PRKG2: variants seen among roughly 807,000 people sequenced by gnomAD.
The protein encoded by PRKG2 is protein kinase cGMP-dependent 2, also known as cGMP-dependent protein kinase 2.
In PRKG2, 33 loss-of-function variants were observed where a neutral mutation model predicts 97.2. That is an observed-to-expected ratio of 0.34 (90% CI 0.26 to 0.45). The LOEUF (loss-of-function observed/expected upper bound fraction) is 0.45, where lower values mean the gene tolerates loss of function less well. PRKG2 is among the 20% of genes least tolerant of loss of function. The pLI is 1.00. For synonymous variants in PRKG2, 330 were observed against 321.8 expected, an observed-to-expected ratio of 1.03 and a Z score of -0.27; for missense variants, 638 against 900.0, an observed-to-expected ratio of 0.71 and a Z score of 3.73.
chr4:81,151,273 T>C (rs1395813557), intron 8 of PRKG2, among the ~76,000 whole-genome samples: 1 of 152,110 alleles, frequency 6.6e-6, no homozygotes, highest in African/African-American at 2.4e-5. Context: ...TCCAATAAAG[T>C]GTGTTGCTCT....
At chr4:81,178,480 C>A (rs569234367) in intron 2 of PRKG2, among the ~76,000 whole-genome samples, 2 of 152,006 alleles carry the variant, frequency 1.3e-5, no homozygotes, top group East Asian at 3.9e-4. Flanking sequence ...AAGCAATATG[C>A]TTTCAGGACA....
chr4:81,110,136 T>C (rs1743751081), intron 15 of PRKG2, among the ~76,000 whole-genome samples: 1 of 152,176 alleles, frequency 6.6e-6, no homozygotes, highest in African/African-American at 2.4e-5. Context: ...GAACTTTCAT[T>C]CCTTCTCTTA....
In PRKG2 at chr4:81,214,978, G is replaced by C. The variant is rs192836977; in HGVS notation, c.-56C>G. 3 of 152,562 alleles carry C rather than the reference G, an allele frequency of 2.0e-5. No homozygotes were observed. Among genetic ancestry groups the C allele is most frequent in the African/African-American group, 2.4e-5 (1 of 41,596 alleles). 9.5% of individuals were successfully genotyped at this position (152,562 alleles called of 1,614,324 possible). A position where few individuals can be genotyped will look rare whatever the true frequency, so the allele number is the denominator to read the frequency against. On this transcript the variant is annotated 5_prime_UTR_variant, in exon 1 of 19. Coordinates refer to ENST00000264399, the MANE Select transcript of PRKG2 (RefSeq NM_006259.3). ...TTCCAGGTGCGCAGCTTGTCACCTC[G>C]GCGCGGCCGCCCCTGCGTCTCAGCG...
At position 81,138,983 on chromosome 4, in the gene PRKG2, A is replaced by G. The variant is rs139933095; in HGVS notation, c.1545-1501T>C. Among the ~76,000 whole-genome samples, 658 of 152,318 alleles carry G rather than the reference A, an allele frequency of 4.3e-3. 2 individuals carry two copies. Among genetic ancestry groups the G allele is most frequent in the Admixed American group, 7.9e-3 (121 of 15,298 alleles). On this transcript the variant is annotated intron_variant, in intron 12 of 18. Coordinates refer to ENST00000264399, the MANE Select transcript of PRKG2 (RefSeq NM_006259.3). ...AGAGTCTTTTAAAGCATTTGATCAA[A>G]AAGCATAAATTCTAGTCATTGCAGG...
intron 18 of PRKG2, 71 bp from the exon 19 acceptor site, chr4:81,089,874 T>C: frequency 7.9e-7 from 1 of 1,261,488 alleles, no homozygotes; most frequent in South Asian, 1.3e-5. Flanking sequence ...ATGGGTAATG[T>C]TTTTTATTTC....
intron 13 of PRKG2, among the ~76,000 whole-genome samples, chr4:81,137,149 TG>T (rs1331909258): frequency 6.6e-6 from 1 of 151,860 alleles, no homozygotes; most frequent in Non-Finnish European, 1.5e-5. Context: ...TCATGTAACC[TG>T]GGATAGTTCA....
In PRKG2 at chr4:81,155,177, C is replaced by CAAA. The variant is rs57874087; in HGVS notation, c.913-1459_913-1457dup. On this transcript the variant is annotated intron_variant, in intron 6 of 18. Transcript: ENST00000264399. ...TGGGCGACAGAGCGAGACTCCGTCTCAAAAAAAAAAAAAAGAAGAATGTAT... is the reference window on the plus strand; with the variant it reads ...TGGGCGACAGAGCGAGACTCCGTCTCAAAAAAAAAAAAAAAAAGAAGAATGTAT... 2.3e-3 allele frequency among the ~76,000 whole-genome samples: 174 copies of CAAA among 74,402 alleles called. 16 individuals carry two copies. The highest frequency in any genetic ancestry group is 0.015 in the African/African-American group (159 of 10,808). The allele number at this position is 74,402 out of a possible 152,430, so 48.8% of individuals were successfully genotyped here.
chr4:81,217,055 G>A (rs569048434), upstream of PRKG2, among the ~76,000 whole-genome samples: 7,380 of 96,972 alleles, frequency 0.076, 904 homozygotes, highest in African/African-American at 0.3. Flanking sequence ...ATATATATAT[G>A]TGTATATATA....
At chr4:81,156,447 G>A (rs1189102266) in intron 6 of PRKG2, among the ~76,000 whole-genome samples, 1 of 152,052 alleles carries the variant, frequency 6.6e-6, no homozygotes, top group Non-Finnish European at 1.5e-5. Context: ...TGAATGACCT[G>A]CAAAGAGACT....
At chr4:81,175,772 G>C (rs1418385217) in intron 2 of PRKG2, among the ~76,000 whole-genome samples, 2 of 152,096 alleles carry the variant, frequency 1.3e-5, no homozygotes, top group African/African-American at 4.8e-5. Context: ...AAAAGATGTA[G>C]CTCAAGATAG....
At chr4:81,138,509 T>C (rs1270536742) in intron 12 of PRKG2, among the ~76,000 whole-genome samples, 2 of 152,138 alleles carry the variant, frequency 1.3e-5, no homozygotes, top group Non-Finnish European at 2.9e-5. Context: ...AATGAACATA[T>C]ATATTCATTT....
chr4:81,188,293 C>G (rs1752082783), intron 2 of PRKG2, among the ~76,000 whole-genome samples: 1 of 150,500 alleles, frequency 6.6e-6, no homozygotes, highest in Non-Finnish European at 1.5e-5. Context: ...CACTGGCCAT[C>G]AGAGAAATGC....
At chr4:81,131,826 A>G (rs1279056631) in intron 14 of PRKG2, among the ~76,000 whole-genome samples, 1 of 152,192 alleles carries the variant, frequency 6.6e-6, no homozygotes, top group Non-Finnish European at 1.5e-5. Context: ...TACCCATATC[A>G]TACTGCCTTG....
chr4:81,213,110 A>ACT (rs1754090922), intron 1 of PRKG2, among the ~76,000 whole-genome samples: 1 of 152,192 alleles, frequency 6.6e-6, no homozygotes, highest in South Asian at 2.1e-4. Context: ...CTTTGAAAAG[A>ACT]CAGTAATGAG....
chr4:81,089,658 C>T lies in PRKG2; in HGVS notation c.*50G>A. 1 of 1,315,892 alleles carries T rather than the reference C, an allele frequency of 7.6e-7. No homozygotes were observed. Among genetic ancestry groups the T allele is most frequent in the East Asian group, 2.3e-5 (1 of 43,294 alleles). 81.5% of individuals were successfully genotyped at this position (1,315,892 alleles called of 1,614,324 possible). The stretch of plus-strand genomic sequence containing the variant: ...GAAAATAATGTGTTGGATTATTGAT[C>T]CTTGAGGTCCTCTTCTGTAGAGTAC... On this transcript the variant is annotated 3_prime_UTR_variant, in exon 19 of 19. Coordinates refer to ENST00000264399, the MANE Select transcript of PRKG2 (RefSeq NM_006259.3).
chr4:81,110,841 C>G (rs143199672), intron 14 of PRKG2, among the ~76,000 whole-genome samples: 20 of 150,746 alleles, frequency 1.3e-4, no homozygotes, highest in African/African-American at 4.9e-4. Context: ...AGGTGTGTAT[C>G]TAGTTGCACT....
chr4:81,134,196 A>AT (rs1333785383), intron 14 of PRKG2, among the ~76,000 whole-genome samples: 1 of 152,200 alleles, frequency 6.6e-6, no homozygotes, highest in African/African-American at 2.4e-5. Flanking sequence ...AATAAATTTA[A>AT]TTCATGTGGC....
At chr4:81,090,022 T>G (rs1018669221) in intron 18 of PRKG2, among the ~76,000 whole-genome samples, 1 of 152,078 alleles carries the variant, frequency 6.6e-6, no homozygotes, top group African/African-American at 2.4e-5. Flanking sequence ...CAGATAACAT[T>G]CAATAGTAAC....
rs536531510 is a variant in PRKG2, at chr4:81,088,726, A to C, written c.*982T>G. 1 of 152,304 alleles carries C rather than the reference A, an allele frequency of 6.6e-6. No individual in the cohort carries two copies. The highest frequency in any genetic ancestry group is 2.1e-4 in the South Asian group (1 of 4,828). The allele number at this position is 152,304 out of a possible 1,614,324, so 9.4% of individuals were successfully genotyped here. ...GACTACAGTGCATCAACATTTGTCA[A>C]TGGGATTTATATTAAAAATTAACGA... On this transcript the variant is annotated 3_prime_UTR_variant, in exon 19 of 19. Transcript: ENST00000264399.
Sources: allele counts gnomAD v4.1 joint callset (sites outside exome capture counted in the v4.1 genomes callset), GRCh38; gene constraint gnomAD v4.1.1; transcripts MANE v1.5; gene names NCBI Gene and HGNC (gene_info 2026-07-23, HGNC 2026-07-21).